The following C1orf94 variants were observed in gnomAD, a reference collection of about 807,000 sequenced individuals.
C1orf94 encodes the protein uncharacterized protein C1orf94.
In C1orf94, 45 loss-of-function variants were observed where a neutral mutation model predicts 53.6. That is an observed-to-expected ratio of 0.84 (90% CI 0.66 to 1.08). The LOEUF is 1.08. C1orf94 is among the 50% of genes least tolerant of loss of function. C1orf94 has a pLI of 0.00. For synonymous variants in C1orf94, 304 were observed against 296.1 expected, an observed-to-expected ratio of 1.03 and a Z score of -0.27; for missense variants, 762 against 738.9, an observed-to-expected ratio of 1.03 and a Z score of -0.36.
At chr1:34,190,657 T>G (rs1319054494) in intron 1 of C1orf94, among the ~76,000 whole-genome samples, 1 of 152,228 alleles carries the variant, frequency 6.6e-6, no homozygotes, top group East Asian at 1.9e-4. Context: ...CACTGTTGGT[T>G]TTTTAGAGCA....
At chr1:34,218,359 A>G (rs1460953489) in intron 6 of C1orf94, among the ~76,000 whole-genome samples, 1 of 152,082 alleles carries the variant, frequency 6.6e-6, no homozygotes, top group African/African-American at 2.4e-5. Context: ...AATACAGGTA[A>G]GATGCTTAGG....
upstream of C1orf94, among the ~76,000 whole-genome samples, chr1:34,175,050 T>C (rs1016153306): frequency 1.3e-5 from 2 of 152,350 alleles, no homozygotes; most frequent in Admixed American, 1.3e-4. Context: ...CAACCCCATG[T>C]GGCTAGTGGC....
Position 34,207,260 on chromosome 1 carries a change from G to A in C1orf94, c.1447-897G>A, listed in dbSNP as rs559977068. Among the ~76,000 whole-genome samples the A allele has an allele frequency of 1.9e-4, 17 of 90,752 alleles. No homozygotes were observed. In the South Asian group the frequency reaches 5.8e-3, roughly 31 times the overall value. 59.5% of individuals were successfully genotyped at this position (90,752 alleles called of 152,430 possible). A position where few individuals can be genotyped will look rare whatever the true frequency, so the allele number is the denominator to read the frequency against. On this transcript the variant is annotated intron_variant, in intron 4 of 6. Coordinates refer to ENST00000488417, the MANE Select transcript of C1orf94 (RefSeq NM_001134734.2). ...ACCACTGCCACAGCAGCAGTTCTGC[G>A]GGGTGTGTGTGTGTGTGTGTGTGTG... is the stretch of plus-strand genomic sequence containing the variant.
chr1:34,199,449 A>C (rs1642659179), intron 2 of C1orf94, among the ~76,000 whole-genome samples: 1 of 152,234 alleles, frequency 6.6e-6, no homozygotes, highest in South Asian at 2.1e-4. Context: ...CTCAGGCTAG[A>C]GCAGCTCTTT....
intron 1 of C1orf94, among the ~76,000 whole-genome samples, chr1:34,195,407 AC>A (rs1642562906): frequency 6.6e-6 from 1 of 152,146 alleles, no homozygotes; most frequent in Non-Finnish European, 1.5e-5. Flanking sequence ...CTGGATTCAA[AC>A]CCAGGTCTGT....
chr1:34,202,039 C>G, intron 3 of C1orf94, 45 bp from the exon 4 acceptor site: 1 of 1,595,378 alleles, frequency 6.3e-7, no homozygotes, highest in Non-Finnish European at 8.5e-7. Flanking sequence ...CTGGCCTCTC[C>G]CTGCCTCCAT....
chr1:34,216,220 C>T (rs1642985332), intron 6 of C1orf94, among the ~76,000 whole-genome samples: 1 of 151,960 alleles, frequency 6.6e-6, no homozygotes, highest in Non-Finnish European at 1.5e-5. Flanking sequence ...CGTTTGGGAG[C>T]CATTCTCATA....
chr1:34,200,980 C>A lies in C1orf94; in HGVS notation c.1218C>A (p.Ser406Arg). The change falls in exon 3 of 7, where the codon AGC becomes AGA. Residue 406 changes from serine (S) to arginine (R), a missense_variant. Ser to Arg is a moderately radical substitution (Grantham distance 110, BLOSUM62 -1). Coordinates refer to ENST00000488417, the MANE Select transcript of C1orf94 (RefSeq NM_001134734.2). ...YEFLGATKNPSGQPRLRNKVE... is the reference protein window; with the variant it reads ...YEFLGATKNPRGQPRLRNKVE... ...TCCTTGGGGCCACCAAGAACCCAAGCGGGCAGCCGAGACTTCGAAACAAAG... is the reference window on the plus strand; with the variant it reads ...TCCTTGGGGCCACCAAGAACCCAAGAGGGCAGCCGAGACTTCGAAACAAAG... The A allele has an allele frequency of 6.2e-7, 1 of 1,612,914 alleles. No homozygotes were observed. Among genetic ancestry groups the A allele is most frequent in the Non-Finnish European group, 8.5e-7 (1 of 1,179,524 alleles).
chr1:34,207,040 C>A (rs1430872359), intron 4 of C1orf94, among the ~76,000 whole-genome samples: 1 of 152,046 alleles, frequency 6.6e-6, no homozygotes, highest in Non-Finnish European at 1.5e-5. Context: ...CATGAGGGAA[C>A]CCTCAAGGGT....
chr1:34,195,809 TGC>T (rs373490551), intron 1 of C1orf94, among the ~76,000 whole-genome samples: 1 of 150,372 alleles, frequency 6.7e-6, no homozygotes, highest in Non-Finnish European at 1.5e-5. Flanking sequence ...TGTGTGTGTG[TGC>T]GTTTGTACAC....
At chr1:34,167,808 G>A (rs1642072659) in intron 1 of C1orf94, among the ~76,000 whole-genome samples, 1 of 152,064 alleles carries the variant, frequency 6.6e-6, no homozygotes, top group African/African-American at 2.4e-5. Flanking sequence ...GCTTTTCCTG[G>A]ACTTGGGGGA....
Position 34,218,719 on chromosome 1 carries a change from C to T in C1orf94, c.1755C>T (p.His585=). ...CGACATCCGGAGGGCCCTTGATGCACAGCCCCTATTTTTCTTCCAGTGGGA... is the reference window on the plus strand; with the variant it reads ...CGACATCCGGAGGGCCCTTGATGCATAGCCCCTATTTTTCTTCCAGTGGGA... ...FGSTSGGPLM[H]SPYFSSSGNG... is the part of the protein sequence containing the mutation. Residue 585 remains histidine, a synonymous_variant, in exon 7 of 7, where the codon CAC becomes CAT. Transcript: ENST00000488417. 2 of 1,612,824 alleles carry T rather than the reference C, an allele frequency of 1.2e-6. No homozygotes were observed. The highest frequency in any genetic ancestry group is 2.2e-5 in the East Asian group (1 of 44,852).
At chr1:34,196,846 C>G (rs1202495761) in intron 1 of C1orf94, among the ~76,000 whole-genome samples, 2 of 152,198 alleles carry the variant, frequency 1.3e-5, no homozygotes, top group African/African-American at 4.8e-5. Context: ...CTCCTGACCC[C>G]TTTGCTGCTG....
chr1:34,183,532 G>C (rs1405258913), intron 1 of C1orf94, among the ~76,000 whole-genome samples: 1 of 152,206 alleles, frequency 6.6e-6, no homozygotes, highest in Non-Finnish European at 1.5e-5. Context: ...TGGGTGGCAT[G>C]AACACAGATA....
At position 34,199,524 on chromosome 1, in the gene C1orf94, C is replaced by T. The variant is rs1433819207; in HGVS notation, c.1010-1248C>T. On this transcript the variant is annotated intron_variant, in intron 2 of 6. Transcript: ENST00000488417. ...GAAGCTCAGCCCCCAAGCCGCTGGG[C>T]TAGGGGGCCAAAAGCTGGTGGGATC... Among the ~76,000 whole-genome samples the T allele has an allele frequency of 3.9e-5, 6 of 152,186 alleles. No homozygotes were observed. In the East Asian group the frequency reaches 1.2e-3, roughly 29 times the overall value.
intron 5 of C1orf94, among the ~76,000 whole-genome samples, chr1:34,210,740 C>T (rs551786052): frequency 6.6e-6 from 1 of 152,094 alleles, no homozygotes. Flanking sequence ...CTGCAACCTC[C>T]ACCTCCTAGG....
intron 4 of C1orf94, among the ~76,000 whole-genome samples, chr1:34,204,217 G>A (rs1448145615): frequency 6.6e-6 from 1 of 152,200 alleles, no homozygotes; most frequent in East Asian, 1.9e-4. Flanking sequence ...TATTGGGAAA[G>A]GGGATTGGCT....
At chr1:34,193,058 AG>A (rs1642519221) in intron 1 of C1orf94, among the ~76,000 whole-genome samples, 1 of 152,196 alleles carries the variant, frequency 6.6e-6, no homozygotes, top group Non-Finnish European at 1.5e-5. Context: ...AGAATAAATA[AG>A]AACAAGCAGA....
chr1:34,207,846 A>G (rs984606561), intron 4 of C1orf94, among the ~76,000 whole-genome samples: 2 of 152,230 alleles, frequency 1.3e-5, no homozygotes, highest in Admixed American at 6.5e-5. Flanking sequence ...AAAGAGGCTC[A>G]GAGATGTGAT....
Sources: allele counts gnomAD v4.1 joint callset (sites outside exome capture counted in the v4.1 genomes callset), GRCh38; gene constraint gnomAD v4.1.1; transcripts MANE v1.5; gene names NCBI Gene and HGNC (gene_info 2026-07-23, HGNC 2026-07-21).